The following FOXK1 variants were observed in gnomAD, a reference collection of about 807,000 sequenced individuals.
FOXK1 encodes forkhead box protein K1.
In FOXK1, 19 loss-of-function variants were observed where a neutral mutation model predicts 51.9. That is an observed-to-expected ratio of 0.37 (90% CI 0.26 to 0.54). The LOEUF is 0.54. Ranked by LOEUF, FOXK1 falls within the 20% of genes least tolerant of loss-of-function variation. The probability of loss-of-function intolerance (pLI) is 0.87; values close to 1 mark genes in which losing one functional copy is unlikely to be tolerated. For missense variants in FOXK1, 870 were observed against 1,032.7 expected (o/e 0.84, Z 2.16); for synonymous variants, 537 against 482.6 (o/e 1.11, Z -1.48).
At chr7:4,738,957 G>A (rs1282576354) in intron 1 of FOXK1, among the ~76,000 whole-genome samples, 1 of 152,176 alleles carries the variant, frequency 6.6e-6, no homozygotes, top group Admixed American at 6.5e-5. Flanking sequence ...CTGGGAAGAA[G>A]ACGCAAGAGG....
chr7:4,716,435 G>A (rs576117090), intron 1 of FOXK1, among the ~76,000 whole-genome samples: 57 of 152,250 alleles, frequency 3.7e-4, no homozygotes, highest in African/African-American at 1.3e-3. Flanking sequence ...GAGCCTGGGA[G>A]TTCAGGGCTG....
chr7:4,705,375 T>A (rs1166801610), intron 1 of FOXK1, among the ~76,000 whole-genome samples: 5 of 150,716 alleles, frequency 3.3e-5, no homozygotes, highest in African/African-American at 4.9e-5. Context: ...AAAGACAGGG[T>A]CTTGGTATGT....
At chr7:4,746,936 C>T (rs1162458726) in intron 2 of FOXK1, among the ~76,000 whole-genome samples, 1 of 152,208 alleles carries the variant, frequency 6.6e-6, no homozygotes, top group Non-Finnish European at 1.5e-5. Context: ...TGTCTTTTCC[C>T]AGCTGAGAAC....
intron 2 of FOXK1, among the ~76,000 whole-genome samples, chr7:4,746,467 G>A (rs1338233517): frequency 6.6e-6 from 1 of 151,830 alleles, no homozygotes; most frequent in Non-Finnish European, 1.5e-5. Context: ...ATTGCTTGAG[G>A]CCAGGAGTTC....
rs1031514160 is a variant in FOXK1 at position 4,741,329 on chromosome 7, TTTTTG to T, written c.746+310_746+314del. ...TTTAAAGGGCGTTGAAAATGTTTTT[TTTTTG>T]TTTGTTTGTTTTGAGATGGAGTTTC... On this transcript the variant is annotated intron_variant, in intron 2 of 8. Transcript: ENST00000328914. 1.2e-4 allele frequency among the ~76,000 whole-genome samples: 18 copies of T among 152,102 alleles called. 1 individual carries two copies. Among genetic ancestry groups the T allele is most frequent in the African/African-American group, 4.3e-4 (18 of 41,392 alleles).
chr7:4,726,216 G>A (rs146424012), intron 1 of FOXK1, among the ~76,000 whole-genome samples: 80 of 152,242 alleles, frequency 5.3e-4, no homozygotes, highest in African/African-American at 1.8e-3. Context: ...TCACTAGAAC[G>A]TTCTTGTTTT....
chr7:4,757,093 G>A lies in FOXK1; in HGVS notation c.1150G>A (p.Ala384Thr), dbSNP rs1297072373. Reference sequence around the variant, plus strand: ...GGGGTCCTTTTGGCGAATAGACCCTGCCTCTGAAGCCAAGCTCGTGGAACA... The same window carrying A: ...GGGGTCCTTTTGGCGAATAGACCCTACCTCTGAAGCCAAGCTCGTGGAACA... ...GKGSFWRIDP[A>T]SEAKLVEQAF... Residue 384 changes from alanine to threonine, a missense_variant, in exon 5 of 9, where the codon GCC (alanine) becomes ACC (threonine). Coordinates refer to ENST00000328914, the MANE Select transcript of FOXK1 (RefSeq NM_001037165.2). 6 of 1,613,770 alleles carry A rather than the reference G, an allele frequency of 3.7e-6. No homozygotes were observed. The highest frequency in any genetic ancestry group is 1.7e-4 in the Middle Eastern group (1 of 5,916).
chr7:4,757,929 A>C (rs1437135382), intron 5 of FOXK1: 2 of 152,148 alleles, frequency 1.3e-5, no homozygotes, highest in African/African-American at 2.4e-5. Context: ...TTTTGAGAGA[A>C]TATCTCAGGA....
intron 1 of FOXK1, among the ~76,000 whole-genome samples, chr7:4,712,089 C>T (rs888650429): frequency 1.3e-5 from 2 of 151,742 alleles, no homozygotes; most frequent in Non-Finnish European, 2.9e-5. Context: ...ACTTTTTATC[C>T]ATCATCTAAT....
At position 4,719,282 on chromosome 7, in the gene FOXK1, G is replaced by A. The variant is rs536518157; in HGVS notation, c.561-21556G>A. ...CCCGAGTAGCTGGGACTACAAGCGT[G>A]CACCACTATGCCTGGCTAATTTTAA... On this transcript the variant is annotated intron_variant, in intron 1 of 8. Transcript: ENST00000328914. Among the ~76,000 whole-genome samples the A allele has an allele frequency of 3.9e-4, 59 of 151,940 alleles. 1 individual carries two copies. The South Asian group carries it at 0.012, about 31-fold the overall frequency.
intron 1 of FOXK1, among the ~76,000 whole-genome samples, chr7:4,736,430 T>TTA (rs1780553245): frequency 1.3e-5 from 2 of 151,552 alleles, no homozygotes; most frequent in African/African-American, 4.8e-5. Flanking sequence ...TTTTTTTTTT[T>TTA]AAGACAGAGT....
chr7:4,720,756 A>G lies in FOXK1; in HGVS notation c.561-20082A>G, dbSNP rs567995719. 1.1e-3 allele frequency among the ~76,000 whole-genome samples: 160 copies of G among 150,696 alleles called. 2 individuals carry two copies. The highest frequency in any genetic ancestry group is 3.3e-3 in the African/African-American group (134 of 41,060). ...TCTCTGTTGCCCAGGGTGGAGTGCAATGGCGCGATCTCGGTGCAGTGGCGC... is the reference window on the plus strand; with the variant it reads ...TCTCTGTTGCCCAGGGTGGAGTGCAGTGGCGCGATCTCGGTGCAGTGGCGC... On this transcript the variant is annotated intron_variant, in intron 1 of 8. Coordinates refer to ENST00000328914, the MANE Select transcript of FOXK1 (RefSeq NM_001037165.2).
At chr7:4,724,801 G>A (rs575695522) in intron 1 of FOXK1, among the ~76,000 whole-genome samples, 1 of 152,210 alleles carries the variant, frequency 6.6e-6, no homozygotes, top group African/African-American at 2.4e-5. Context: ...AGAGGAGGGA[G>A]GGATGGTGGG....
chr7:4,695,408 G>T (rs1254235099), intron 1 of FOXK1, among the ~76,000 whole-genome samples: 1 of 152,186 alleles, frequency 6.6e-6, no homozygotes, highest in Non-Finnish European at 1.5e-5. Flanking sequence ...GCCAATCAGG[G>T]ATGCCATGGC....
chr7:4,698,047 ACTC>A (rs1169030628), intron 1 of FOXK1, among the ~76,000 whole-genome samples: 1 of 150,872 alleles, frequency 6.6e-6, no homozygotes, highest in East Asian at 2.0e-4. Flanking sequence ...CTGGCCTTGA[ACTC>A]CTGACCTCAA....
chr7:4,740,738 G>A (rs1021725174), intron 1 of FOXK1, 100 bp from the exon 2 acceptor site: 20 of 1,212,142 alleles, frequency 1.6e-5, no homozygotes, highest in Admixed American at 5.6e-5. Context: ...TGAGAGTTAC[G>A]GTCCAGTTAC....
Position 4,753,808 on chromosome 7 carries a change from C to T in FOXK1, c.747-651C>T, listed in dbSNP as rs1780808586. On this transcript the variant is annotated intron_variant, in intron 2 of 8. Coordinates refer to ENST00000328914, the MANE Select transcript of FOXK1 (RefSeq NM_001037165.2). This position sits in a 1 kb window ranked among gnomAD's most constrained non-coding sequence, Gnocchi z 4.9. The stretch of plus-strand genomic sequence containing the variant: ...CGGCCTCAACCCAGAGCCTCACCTG[C>T]AGCCGGGGGTGTCGGTCACTCCCAG... Among the ~76,000 whole-genome samples the T allele has an allele frequency of 6.6e-6, 1 of 152,212 alleles. No homozygotes were observed. Among genetic ancestry groups the T allele is most frequent in the African/African-American group, 2.4e-5 (1 of 41,466 alleles).
chr7:4,741,060 A>G lies in FOXK1; in HGVS notation c.746+37A>G, dbSNP rs750303218. On this transcript the variant is annotated intron_variant, in intron 2 of 8. Transcript: ENST00000328914. The stretch of plus-strand genomic sequence containing the variant: ...CCCAGCCTGCCCTTGGGCCCCCAGG[A>G]GAGAGGGGGATGATGCGAGCGTGCC... 2.2e-5 allele frequency: 31 copies of G among 1,414,626 alleles called. No individual in the cohort carries two copies. In the African/African-American group the frequency reaches 4.1e-4, roughly 19 times the overall value. The allele number at this position is 1,414,626 out of a possible 1,614,324, so 87.6% of individuals were successfully genotyped here.
rs1781000922 is a variant in FOXK1 at position 4,765,685 on chromosome 7, C to G, written c.*3221C>G. The stretch of plus-strand genomic sequence containing the variant: ...TGGGAAGGGCCCCTCCTGCTTTGCC[C>G]TGTTCGGAAAGGGGCTCCCTCAGAG... On this transcript the variant is annotated 3_prime_UTR_variant, in exon 9 of 9. Coordinates refer to ENST00000328914, the MANE Select transcript of FOXK1 (RefSeq NM_001037165.2). 6.6e-6 allele frequency: 1 copy of G among 152,278 alleles called. No homozygotes were observed. The highest frequency in any genetic ancestry group is 1.5e-5 in the Non-Finnish European group (1 of 68,064). The allele number at this position is 152,278 out of a possible 1,614,324, so 9.4% of individuals were successfully genotyped here.
Sources: gnomAD v4.1 joint callset for allele counts (sites outside exome capture counted in the v4.1 genomes callset) on GRCh38, gnomAD v4.1.1 for gene constraint, Gnocchi (gnomAD v3.1) non-coding constraint, MANE v1.5 for transcripts, NCBI Gene and HGNC (gene_info 2026-07-23, HGNC 2026-07-21) for gene names.